The following OTUD7A variants were observed in gnomAD, a reference collection of about 807,000 sequenced individuals.
OTUD7A encodes OTU domain-containing protein 7A.
OTUD7A carries 12 observed loss-of-function variants against 65.7 expected under a neutral mutation model. The ratio of observed to expected loss-of-function variants is 0.18; its 90% confidence interval spans 0.12 to 0.30. The LOEUF (loss-of-function observed/expected upper bound fraction) is 0.30, where lower values mean the gene tolerates loss of function less well. Among genes scored for constraint, OTUD7A ranks in the 10% least tolerant of loss-of-function variants. OTUD7A has a pLI of 1.00. For synonymous variants in OTUD7A, 641 were observed against 586.3 expected (o/e 1.09, Z -1.35); for missense variants, 1,148 against 1,304.8 (o/e 0.88, Z 1.85).
intron 3 of OTUD7A, among the ~76,000 whole-genome samples, chr15:31,600,417 T>C (rs539445134): frequency 6.6e-6 from 1 of 152,144 alleles, no homozygotes; most frequent in Non-Finnish European, 1.5e-5. Flanking sequence ...TGCTGAGAGA[T>C]TTTGTGACCA....
At chr15:31,488,949 CA>C (rs1566880580) in intron 10 of OTUD7A, among the ~76,000 whole-genome samples, 1 of 152,226 alleles carries the variant, frequency 6.6e-6, no homozygotes, top group Non-Finnish European at 1.5e-5. Flanking sequence ...TTTGAGAGGT[CA>C]GGGGTGGCTT....
At chr15:31,565,611 CA>C (rs1566922944) in intron 4 of OTUD7A, among the ~76,000 whole-genome samples, 1 of 151,864 alleles carries the variant, frequency 6.6e-6, no homozygotes, top group Admixed American at 6.6e-5. Flanking sequence ...ACAGCACACA[CA>C]AAAAAAGGAA....
intron 1 of OTUD7A, among the ~76,000 whole-genome samples, chr15:31,865,033 CTG>C (rs759639120): frequency 6.6e-6 from 1 of 151,842 alleles, no homozygotes; most frequent in Non-Finnish European, 1.5e-5. Context: ...TGGCCCCCCC[CTG>C]GGGTTGTGCC....
chr15:31,763,447 A>G (rs1274893621), intron 1 of OTUD7A, among the ~76,000 whole-genome samples: 1 of 152,212 alleles, frequency 6.6e-6, no homozygotes, highest in East Asian at 1.9e-4. Context: ...TAGCAGAGGA[A>G]AGTCACTGGA....
At chr15:31,569,133 A>G (rs1357405450) in intron 4 of OTUD7A, among the ~76,000 whole-genome samples, 1 of 152,240 alleles carries the variant, frequency 6.6e-6, no homozygotes, top group Admixed American at 6.5e-5. Flanking sequence ...AAGAAGCCCT[A>G]AAATTATTAA....
In OTUD7A at chr15:31,482,039, G is replaced by T. The variant is rs530517998; in HGVS notation, c.*1255C>A. ...CTCCTCAGTGTCCTTGGCCAAGAACGGTGTTCTCCGGAGGTAATCTTGGAA... is the reference window on the plus strand; with the variant it reads ...CTCCTCAGTGTCCTTGGCCAAGAACTGTGTTCTCCGGAGGTAATCTTGGAA... On this transcript the variant is annotated 3_prime_UTR_variant, in exon 13 of 13. Coordinates refer to ENST00000307050, the MANE Select transcript of OTUD7A (RefSeq NM_001382637.1). 1.3e-5 allele frequency: 2 copies of T among 152,332 alleles called. No individual in the cohort carries two copies. Among genetic ancestry groups the T allele is most frequent in the East Asian group, 1.9e-4 (1 of 5,184 alleles). The allele number at this position is 152,332 out of a possible 1,614,324, so 9.4% of individuals were successfully genotyped here.
chr15:31,756,888 C>T (rs969848447), intron 1 of OTUD7A, among the ~76,000 whole-genome samples: 5 of 152,150 alleles, frequency 3.3e-5, no homozygotes, highest in African/African-American at 1.2e-4. Flanking sequence ...CACAAGAAAG[C>T]AGTAAAGATT....
rs1290666101 is a variant in OTUD7A, at chr15:31,750,146, G to T, written c.-99-93069C>A. On this transcript the variant is annotated intron_variant, in intron 1 of 12. Coordinates refer to ENST00000307050, the MANE Select transcript of OTUD7A (RefSeq NM_001382637.1). ...TGTTCGACCGGGCATGGTGGCTCAC[G>T]CCTGTAATCCCAGCACTTTGGGAGG... Among the ~76,000 whole-genome samples, 4 of 152,118 alleles carry T rather than the reference G, an allele frequency of 2.6e-5. No homozygotes were observed. The South Asian group carries it at 8.3e-4, about 32-fold the overall frequency.
chr15:31,575,087 G>C (rs67989702), intron 3 of OTUD7A, among the ~76,000 whole-genome samples: 2 of 152,048 alleles, frequency 1.3e-5, no homozygotes, highest in Non-Finnish European at 2.9e-5. Flanking sequence ...AACTCAGGGG[G>C]GAAAAGGAGT....
chr15:31,818,917 T>C (rs1222856823), intron 1 of OTUD7A, among the ~76,000 whole-genome samples: 1 of 151,932 alleles, frequency 6.6e-6, no homozygotes, highest in Non-Finnish European at 1.5e-5. Flanking sequence ...TCAGGGCAGG[T>C]CCTCTACTTG....
intron 1 of OTUD7A, among the ~76,000 whole-genome samples, chr15:31,680,554 G>A (rs371051039): frequency 2.0e-5 from 3 of 152,284 alleles, no homozygotes; most frequent in African/African-American, 7.2e-5. Flanking sequence ...AGGAAAACTG[G>A]CTATGGTCAT....
intron 1 of OTUD7A, among the ~76,000 whole-genome samples, chr15:31,727,205 A>C (rs1893915976): frequency 1.3e-5 from 2 of 152,310 alleles, no homozygotes; most frequent in South Asian, 4.1e-4. Flanking sequence ...CAAGTGGCTC[A>C]TCTCTCAACC....
In OTUD7A at chr15:31,817,277, C is replaced by T. The variant is rs535054901; in HGVS notation, c.-100+53230G>A. Among the ~76,000 whole-genome samples the T allele has an allele frequency of 1.3e-3, 186 of 145,238 alleles. 1 individual carries two copies. The Middle Eastern group carries it at 0.014, about 11-fold the overall frequency. ...TATTACACCACCCTAGATCATTTGC[C>T]CCCCCCCATCACTCATGGCTTATCA... On this transcript the variant is annotated intron_variant, in intron 1 of 12. Coordinates refer to ENST00000307050, the MANE Select transcript of OTUD7A (RefSeq NM_001382637.1).
At chr15:31,778,731 C>G (rs540505854) in intron 1 of OTUD7A, among the ~76,000 whole-genome samples, 70 of 151,506 alleles carry the variant, frequency 4.6e-4, no homozygotes, top group East Asian at 1.6e-3. Context: ...ATGTGTGTGT[C>G]TCTCTCTCTC....
At chr15:31,784,259 T>C (rs928324493) in intron 1 of OTUD7A, among the ~76,000 whole-genome samples, 2 of 152,196 alleles carry the variant, frequency 1.3e-5, no homozygotes, top group African/African-American at 4.8e-5. Flanking sequence ...GTGTCAAAGA[T>C]ATCCACAATT....
intron 3 of OTUD7A, among the ~76,000 whole-genome samples, chr15:31,621,334 G>T (rs1268603502): frequency 2.0e-5 from 3 of 152,114 alleles, no homozygotes; most frequent in African/African-American, 7.2e-5. Flanking sequence ...TTAACTTTCT[G>T]TTTCGTTGAT....
At chr15:31,486,817 A>G (rs985273997) in intron 12 of OTUD7A, among the ~76,000 whole-genome samples, 11 of 152,250 alleles carry the variant, frequency 7.2e-5, no homozygotes, top group African/African-American at 2.4e-4. Flanking sequence ...CTTAGCAGAT[A>G]GTTTTGTGTT....
At chr15:31,803,737 C>T (rs908511312) in intron 1 of OTUD7A, among the ~76,000 whole-genome samples, 1 of 152,214 alleles carries the variant, frequency 6.6e-6, no homozygotes, top group African/African-American at 2.4e-5. Flanking sequence ...AAGTGCCTTC[C>T]ACTGTGACCA....
At chr15:31,591,111 G>A (rs1160910397) in intron 3 of OTUD7A, among the ~76,000 whole-genome samples, 3 of 152,092 alleles carry the variant, frequency 2.0e-5, no homozygotes, top group African/African-American at 2.4e-5. Flanking sequence ...GAAGCTTCCC[G>A]GGAGAGGAAG....
Sources: gnomAD v4.1 joint callset for allele counts (sites outside exome capture counted in the v4.1 genomes callset) on GRCh38, gnomAD v4.1.1 for gene constraint, MANE v1.5 for transcripts, NCBI Gene and HGNC (gene_info 2026-07-23, HGNC 2026-07-21) for gene names.